Variants in GSE1 observed in about 807,000 individuals in gnomAD.
GSE1 encodes Gse1 coiled-coil protein, also known as genetic suppressor element 1.
GSE1 carries 32 observed loss-of-function variants against 112.6 expected under a neutral mutation model. The observed-to-expected ratio is 0.28, with a 90% CI of 0.21 to 0.38. The LOEUF (loss-of-function observed/expected upper bound fraction) is 0.38, where lower values mean the gene tolerates loss of function less well. GSE1 is among the 10% of genes least tolerant of loss of function. The probability of loss-of-function intolerance (pLI) is 1.00; values close to 1 mark genes in which losing one functional copy is unlikely to be tolerated. For missense variants in GSE1, 2,348 were observed against 1,699.2 expected, an observed-to-expected ratio of 1.38 and a Z score of -6.71; for synonymous variants, 1,115 against 735.6, an observed-to-expected ratio of 1.52 and a Z score of -8.35.
chr16:85,247,062 G>C (rs1020464737), intron 1 of GSE1, among the ~76,000 whole-genome samples: 13 of 152,216 alleles, frequency 8.5e-5, no homozygotes, highest in African/African-American at 2.4e-4. Flanking sequence ...ACCCCCCAGG[G>C]CTGCTGCTGC....
chr16:85,178,004 C>T (rs533033849), intron 1 of GSE1, among the ~76,000 whole-genome samples: 6 of 152,254 alleles, frequency 3.9e-5, no homozygotes, highest in Admixed American at 2.0e-4. Context: ...CCAGGCACTC[C>T]GGGAGCATGT....
At chr16:85,640,266 C>CG (rs1360641108) in intron 2 of GSE1, among the ~76,000 whole-genome samples, 1 of 152,204 alleles carries the variant, frequency 6.6e-6, no homozygotes, top group Non-Finnish European at 1.5e-5. Context: ...TAACACCGGC[C>CG]GGGGGCTCAT....
intron 1 of GSE1, among the ~76,000 whole-genome samples, chr16:85,320,605 C>T (rs1181974302): frequency 6.6e-6 from 1 of 152,168 alleles, no homozygotes; most frequent in African/African-American, 2.4e-5. Context: ...TGTATCCTCT[C>T]TTCTTACAGA....
At chr16:85,330,528 CAG>C (rs1171187165) in intron 1 of GSE1, among the ~76,000 whole-genome samples, 1 of 152,236 alleles carries the variant, frequency 6.6e-6, no homozygotes, top group African/African-American at 2.4e-5. Flanking sequence ...CCGCAGAACA[CAG>C]AGACAGCCCC....
At chr16:85,417,167 GC>G in intron 2 of GSE1, among the ~76,000 whole-genome samples, 1 of 152,292 alleles carries the variant, frequency 6.6e-6, no homozygotes, top group African/African-American at 2.4e-5. Context: ...ATGCCCAGCA[GC>G]CCTGTGGATA....
At chr16:85,171,518 G>C in exon 1 of GSE1, 1 of 985,614 alleles carries the variant, frequency 1.0e-6, no homozygotes, top group Non-Finnish European at 1.2e-6. Flanking sequence ...GAGGCCCGCA[G>C]CTCCCACCAC....
At chr16:85,671,949 G>A (rs896278102) in intron 15 of GSE1, 68 of 166,012 alleles carry the variant, frequency 4.1e-4, no homozygotes, top group African/African-American at 1.4e-3. Context: ...AGCAGATGCC[G>A]ATTCTTAAGA....
At chr16:85,533,484 C>A (rs1002041319) in intron 2 of GSE1, among the ~76,000 whole-genome samples, 1 of 152,002 alleles carries the variant, frequency 6.6e-6, no homozygotes, top group African/African-American at 2.4e-5. Flanking sequence ...ATGGAGAGAT[C>A]TTTAACATGT....
At chr16:85,213,934 C>G (rs186741443) in intron 1 of GSE1, among the ~76,000 whole-genome samples, 71 of 152,304 alleles carry the variant, frequency 4.7e-4, no homozygotes, top group African/African-American at 1.3e-3. Flanking sequence ...GTCCTCCCCG[C>G]AGAGATTTTC....
intron 2 of GSE1, among the ~76,000 whole-genome samples, chr16:85,413,160 A>G (rs1332019256): frequency 6.6e-6 from 1 of 152,182 alleles, no homozygotes; most frequent in African/African-American, 2.4e-5. Flanking sequence ...ACACCCTGCA[A>G]CAAGCACGTG....
At chr16:85,328,424 G>A (rs566664041) in intron 1 of GSE1, among the ~76,000 whole-genome samples, 2 of 152,328 alleles carry the variant, frequency 1.3e-5, no homozygotes, top group South Asian at 2.1e-4. Context: ...GGGGGCCGGA[G>A]GGAGCCGTTT....
chr16:85,634,068 C>G lies in GSE1; in HGVS notation c.162C>G (p.Ala54=). 6.2e-7 allele frequency: 1 copy of G among 1,605,794 alleles called. No homozygotes were observed. Among genetic ancestry groups the G allele is most frequent in the Non-Finnish European group, 8.5e-7 (1 of 1,176,700 alleles). Residue 54 remains alanine (A), a synonymous_variant, in exon 2 of 16, where the codon GCC becomes GCG. Transcript: ENST00000253458. The part of the protein sequence containing the change: ...PATSSALSAQ[A]APSSSFAAAL... ...CCAGCAGCGCGCTGTCGGCCCAGGC[C>G]GCGCCATCCTCCAGCTTTGCCGCCG...
At position 85,185,784 on chromosome 16, in the gene GSE1, C is replaced by T. The variant is rs373757217; in HGVS notation, c.2283+13977C>T. 3.9e-5 allele frequency among the ~76,000 whole-genome samples: 6 copies of T among 152,378 alleles called. No homozygotes were observed. The East Asian group carries it at 5.8e-4, about 15-fold the overall frequency. On this transcript the variant is annotated intron_variant, in intron 1 of 2. Coordinates refer to the GSE1 transcript ENST00000637419. ...GTGGCCTGAAGTGCCTCAGGGGCTC[C>T]GTGCTGGCAGAAGGCCTCCTGCCCA...
intron 1 of GSE1, among the ~76,000 whole-genome samples, chr16:85,557,569 G>GT (rs371034842): frequency 1.7e-3 from 245 of 146,778 alleles, no homozygotes; most frequent in African/African-American, 4.7e-3. Flanking sequence ...TCGGTTTCGG[G>GT]TTTTTTTTTT....
chr16:85,513,862 G>A (rs993228256), intron 2 of GSE1, among the ~76,000 whole-genome samples: 3 of 152,110 alleles, frequency 2.0e-5, no homozygotes, highest in African/African-American at 7.2e-5. Flanking sequence ...GGCAGGGCAC[G>A]TGTACAATGC....
In GSE1 at chr16:85,315,340, G is replaced by A. The variant is rs190579030; in HGVS notation, c.2284-42123G>A. ...CTGCACGCACATCAGATTGAAGGACGTTTTGCTTACAAATAGGGTTCAGAT... is the reference window on the plus strand; with the variant it reads ...CTGCACGCACATCAGATTGAAGGACATTTTGCTTACAAATAGGGTTCAGAT... On this transcript the variant is annotated intron_variant, in intron 1 of 2. Coordinates refer to the GSE1 transcript ENST00000637419. Among the ~76,000 whole-genome samples the A allele has an allele frequency of 5.3e-5, 8 of 152,278 alleles. No homozygotes were observed. In the South Asian group the frequency reaches 6.2e-4, roughly 12 times the overall value.
chr16:85,210,918 G>A (rs2075213598), intron 1 of GSE1, among the ~76,000 whole-genome samples: 1 of 152,188 alleles, frequency 6.6e-6, no homozygotes, highest in South Asian at 2.1e-4. Context: ...TCTTGGAAAG[G>A]TTGCTTTGCC....
intron 2 of GSE1, among the ~76,000 whole-genome samples, chr16:85,409,845 G>A (rs140926285): frequency 0.028 from 55 of 1,990 alleles, 4 homozygotes; most frequent in Non-Finnish European, 0.15. Context: ...AGGGCCCCCC[G>A]GATAATCCTC....
At chr16:85,461,094 C>T (rs1203612644) in intron 2 of GSE1, among the ~76,000 whole-genome samples, 2 of 152,218 alleles carry the variant, frequency 1.3e-5, no homozygotes, top group Non-Finnish European at 2.9e-5. Context: ...TTCGGGCAAG[C>T]CCTGAGCTGG....
Sources: gnomAD v4.1 joint callset for allele counts (sites outside exome capture counted in the v4.1 genomes callset) on GRCh38, gnomAD v4.1.1 for gene constraint, MANE v1.5 for transcripts, NCBI Gene and HGNC (gene_info 2026-07-23, HGNC 2026-07-21) for gene names.